XKR9: variants seen among roughly 807,000 people sequenced by gnomAD.
XKR9 encodes the protein XK related 9, also known as XK-related protein 9.
XKR9 carries 32 observed loss-of-function variants against 32.0 expected under a neutral mutation model. The observed-to-expected ratio is 1.00, with a 90% CI of 0.76 to 1.34. XKR9 has a LOEUF of 1.34. Among genes scored for constraint, XKR9 ranks in the 40% most tolerant of loss-of-function variants. The pLI is 0.00. For missense variants in XKR9, 546 were observed against 429.7 expected (o/e 1.27, Z -2.39); for synonymous variants, 168 against 143.4 (o/e 1.17, Z -1.22).
At chr8:70,760,776 G>A (rs569109224) in intron 2 of XKR9, among the ~76,000 whole-genome samples, 101 of 152,274 alleles carry the variant, frequency 6.6e-4, no homozygotes, top group Non-Finnish European at 1.2e-3. Context: ...AGGTAAGTGT[G>A]TGTCACAGGG....
chr8:70,736,521 T>C (rs1806866553), downstream of XKR9, among the ~76,000 whole-genome samples: 1 of 152,236 alleles, frequency 6.6e-6, no homozygotes, highest in Non-Finnish European at 1.5e-5. Context: ...CTTTTGGTGT[T>C]TTAGACATGA....
At chr8:70,743,016 CTTT>C (rs1807009618) in intron 2 of XKR9, among the ~76,000 whole-genome samples, 1 of 151,744 alleles carries the variant, frequency 6.6e-6, no homozygotes, top group African/African-American at 2.4e-5. Context: ...TTTTCTTCTT[CTTT>C]ATCTTCTTGG....
the XKR9 span, among the ~76,000 whole-genome samples, chr8:70,999,667 A>C: frequency 6.6e-6 from 1 of 152,198 alleles, no homozygotes; most frequent in Non-Finnish European, 1.5e-5. Flanking sequence ...AGTAACAAGA[A>C]TCAGACACTT....
At chr8:70,746,963 C>G (rs1331294975) in intron 2 of XKR9, among the ~76,000 whole-genome samples, 5 of 152,166 alleles carry the variant, frequency 3.3e-5, no homozygotes, top group Non-Finnish European at 5.9e-5. Context: ...GTTCCCATCT[C>G]TGTGTCCATG....
chr8:70,825,024 G>C, the XKR9 span, among the ~76,000 whole-genome samples: 1 of 152,118 alleles, frequency 6.6e-6, no homozygotes, highest in East Asian at 1.9e-4. Flanking sequence ...TCAATGGCAA[G>C]ACTATTTTAC....
At chr8:70,777,459 T>G (rs1807543281) in intron 2 of XKR9, among the ~76,000 whole-genome samples, 1 of 152,208 alleles carries the variant, frequency 6.6e-6, no homozygotes, top group African/African-American at 2.4e-5. Context: ...TATAATCCTT[T>G]GGGTATATAC....
chr8:70,860,169 G>T, the XKR9 span, among the ~76,000 whole-genome samples: 1 of 152,082 alleles, frequency 6.6e-6, no homozygotes, highest in South Asian at 2.1e-4. Flanking sequence ...CTGAATGTTG[G>T]TGTCCTCTCA....
At chr8:70,810,128 C>T in the XKR9 span, among the ~76,000 whole-genome samples, 1 of 152,158 alleles carries the variant, frequency 6.6e-6, no homozygotes, top group Non-Finnish European at 1.5e-5. Flanking sequence ...AGAGTGGGGG[C>T]CAATCTTCAA....
intron 4 of XKR9, among the ~76,000 whole-genome samples, chr8:70,718,656 C>T (rs1174229594): frequency 6.6e-6 from 1 of 152,096 alleles, no homozygotes. Flanking sequence ...TGAACTCATT[C>T]TTTTTTATGG....
the XKR9 span, among the ~76,000 whole-genome samples, chr8:71,022,773 A>G: frequency 6.6e-6 from 1 of 152,170 alleles, no homozygotes; most frequent in African/African-American, 2.4e-5. Flanking sequence ...ATAGTGTCCC[A>G]TACTCATGTA....
the XKR9 span, among the ~76,000 whole-genome samples, chr8:70,996,337 C>T: frequency 7.2e-5 from 11 of 152,142 alleles, no homozygotes; most frequent in African/African-American, 2.7e-4. Context: ...CCTGGGAAGA[C>T]ATTAAAGAAT....
chr8:70,863,326 T>C, the XKR9 span, among the ~76,000 whole-genome samples: 10 of 152,190 alleles, frequency 6.6e-5, no homozygotes, highest in Non-Finnish European at 1.5e-4. Flanking sequence ...ACAAGACAAT[T>C]ACAGAACTTA....
At chr8:71,011,818 G>T in the XKR9 span, among the ~76,000 whole-genome samples, 1 of 152,122 alleles carries the variant, frequency 6.6e-6, no homozygotes, top group Non-Finnish European at 1.5e-5. Flanking sequence ...AAAACATCCG[G>T]TATTAATTTG....
rs1053121877 is a variant in XKR9 at position 70,671,852 on chromosome 8, A to T, written c.-361+2314A>T. Among the ~76,000 whole-genome samples, 6 of 106,568 alleles carry T rather than the reference A, an allele frequency of 5.6e-5. 2 individuals are homozygous for T. The highest frequency in any genetic ancestry group is 1.4e-4 in the Non-Finnish European group (6 of 43,486). 69.9% of individuals were successfully genotyped at this position (106,568 alleles called of 152,430 possible). A position where few individuals can be genotyped will look rare whatever the true frequency, so the allele number is the denominator to read the frequency against. On this transcript the variant is annotated intron_variant, in intron 1 of 4. Coordinates refer to ENST00000408926, the MANE Select transcript of XKR9 (RefSeq NM_001011720.2). ...CTCAGCCCAAAATCTCCTTAAGCTG[A>T]TAAGCAACTTCAGCAAAGTCTCAGG...
the XKR9 span, among the ~76,000 whole-genome samples, chr8:70,833,815 T>G: frequency 4.9e-4 from 74 of 152,312 alleles, no homozygotes; most frequent in African/African-American, 1.8e-3. Context: ...TTTCCTATAT[T>G]CTTTTAAATG....
intron 4 of XKR9, among the ~76,000 whole-genome samples, chr8:70,725,878 C>T (rs1183631408): frequency 6.6e-6 from 1 of 152,068 alleles, no homozygotes; most frequent in African/African-American, 2.4e-5. Context: ...TGTACTCTAG[C>T]CTGGATGACA....
the XKR9 span, among the ~76,000 whole-genome samples, chr8:70,961,286 C>T: frequency 6.6e-6 from 1 of 152,110 alleles, no homozygotes; most frequent in African/African-American, 2.4e-5. Flanking sequence ...AATGTCCTCT[C>T]TAATACCATG....
At chr8:70,683,633 A>C in intron 3 of XKR9, 1 of 416,440 alleles carries the variant, frequency 2.4e-6, no homozygotes, top group Non-Finnish European at 4.8e-6. Flanking sequence ...GATTACAGGC[A>C]TGTGCCATGA....
At chr8:70,693,867 C>T (rs1805163158) in intron 3 of XKR9, among the ~76,000 whole-genome samples, 1 of 152,124 alleles carries the variant, frequency 6.6e-6, no homozygotes, top group Non-Finnish European at 1.5e-5. Context: ...CCGAAGGTGG[C>T]AAGGCATGTT....
Sources: allele counts gnomAD v4.1 joint callset (sites outside exome capture counted in the v4.1 genomes callset), GRCh38; gene constraint gnomAD v4.1.1; transcripts MANE v1.5; gene names NCBI Gene and HGNC (gene_info 2026-07-23, HGNC 2026-07-21).